Variants in CLCA2 observed in about 807,000 individuals in gnomAD.
CLCA2 encodes the protein calcium-activated chloride channel regulator 2.
A neutral mutation model predicts 82.9 loss-of-function variants in CLCA2; 85 were observed. The observed-to-expected ratio is 1.03, with a 90% CI of 0.86 to 1.23. The LOEUF (loss-of-function observed/expected upper bound fraction) is 1.23. Ranked by LOEUF, CLCA2 falls within the 50% of genes most tolerant of loss-of-function variation. CLCA2 has a pLI of 0.00. For synonymous variants in CLCA2, 421 were observed against 391.7 expected, an observed-to-expected ratio of 1.07 and a Z score of -0.88; for missense variants, 1,089 against 1,124.8, an observed-to-expected ratio of 0.97 and a Z score of 0.45.
At chr1:86,431,934 G>GT (rs1006588939) in intron 4 of CLCA2, among the ~76,000 whole-genome samples, 1 of 151,936 alleles carries the variant, frequency 6.6e-6, no homozygotes, top group Non-Finnish European at 1.5e-5. Context: ...TTGTTTGTTT[G>GT]TTTTTTTGTT....
chr1:86,452,386 T>A (rs1340970606), intron 12 of CLCA2, among the ~76,000 whole-genome samples: 1 of 152,224 alleles, frequency 6.6e-6, no homozygotes, highest in South Asian at 2.1e-4. Flanking sequence ...GCCTTGTTGC[T>A]TGCTGTGCTT....
intron 9 of CLCA2, among the ~76,000 whole-genome samples, chr1:86,443,373 T>G (rs1558113894): frequency 1.3e-5 from 2 of 152,224 alleles, no homozygotes; most frequent in Admixed American, 1.3e-4. Flanking sequence ...AACCCAAGAT[T>G]TTATTTCTTA....
chr1:86,425,564 A>C, intron 2 of CLCA2, 88 bp downstream of exon 2: 1 of 1,140,674 alleles, frequency 8.8e-7, no homozygotes, highest in Non-Finnish European at 1.2e-6. Context: ...TGAGAAGTTA[A>C]GTAAAAACAA....
At chr1:86,429,654 A>C (rs1203353956) in intron 3 of CLCA2, among the ~76,000 whole-genome samples, 1 of 152,218 alleles carries the variant, frequency 6.6e-6, no homozygotes, top group Non-Finnish European at 1.5e-5. Context: ...ACAGTTCGCC[A>C]GTCAAGGACT....
intron 2 of CLCA2, among the ~76,000 whole-genome samples, chr1:86,426,543 T>C (rs1385081614): frequency 6.6e-6 from 1 of 152,130 alleles, no homozygotes; most frequent in Non-Finnish European, 1.5e-5. Context: ...GAAGATAGGA[T>C]AGGTGGGGGA....
At chr1:86,443,663 T>TGATGAA in intron 9 of CLCA2, 124 bp from the exon 10 acceptor site, 1 of 724,694 alleles carries the variant, frequency 1.4e-6, no homozygotes, top group Non-Finnish European at 2.2e-6. Flanking sequence ...GATGTATAAC[T>TGATGAA]ACAGTACCTG....
intron 11 of CLCA2, 146 bp from the exon 12 acceptor site, chr1:86,450,417 C>A: frequency 1.8e-6 from 1 of 542,758 alleles, no homozygotes; most frequent in Non-Finnish European, 3.0e-6. Flanking sequence ...GATTTTTTAT[C>A]ACCTGAGAAT....
intron 11 of CLCA2, among the ~76,000 whole-genome samples, chr1:86,450,191 A>G (rs886164235): frequency 2.6e-5 from 4 of 152,240 alleles, no homozygotes; most frequent in Admixed American, 2.6e-4. Context: ...CCTAGGGACA[A>G]AATAGCTTTT....
At chr1:86,434,303 T>A (rs2101695778) in intron 5 of CLCA2, among the ~76,000 whole-genome samples, 1 of 152,338 alleles carries the variant, frequency 6.6e-6, no homozygotes, top group Non-Finnish European at 1.5e-5. Context: ...GAGATTGCTC[T>A]CAGAACCACA....
At chr1:86,425,151 C>A (rs190881799) in intron 1 of CLCA2, among the ~76,000 whole-genome samples, 188 bp from the exon 2 acceptor site, 94 of 152,220 alleles carry the variant, frequency 6.2e-4, no homozygotes, top group African/African-American at 2.2e-3. Context: ...TAAAATCTTC[C>A]ATATAATCAT....
chr1:86,452,173 A>G (rs1252606349), intron 12 of CLCA2, among the ~76,000 whole-genome samples: 1 of 117,984 alleles, frequency 8.5e-6, no homozygotes, highest in Non-Finnish European at 1.7e-5. Flanking sequence ...AGAAACCTGG[A>G]AGCTTTTTTT....
chr1:86,452,103 G>A (rs1662981900), intron 12 of CLCA2, among the ~76,000 whole-genome samples: 1 of 131,514 alleles, frequency 7.6e-6, no homozygotes, highest in Admixed American at 7.8e-5. Context: ...CACAAACTTT[G>A]TAATTTAATT....
intron 13 of CLCA2, 103 bp downstream of exon 13, chr1:86,453,705 A>C (rs1384565784): frequency 9.7e-7 from 1 of 1,032,430 alleles, no homozygotes; most frequent in African/African-American, 1.6e-5. Context: ...ATTGTTGTGA[A>C]AAGCTCTGAG....
At chr1:86,448,634 G>T (rs1332224743) in intron 11 of CLCA2, among the ~76,000 whole-genome samples, 1 of 152,192 alleles carries the variant, frequency 6.6e-6, no homozygotes, top group African/African-American at 2.4e-5. Flanking sequence ...TTGCCCTGTT[G>T]TTTCAAAGTT....
intron 4 of CLCA2, among the ~76,000 whole-genome samples, chr1:86,431,922 TG>T (rs1206444635): frequency 6.6e-6 from 1 of 152,174 alleles, no homozygotes; most frequent in Admixed American, 6.5e-5. Flanking sequence ...TGTTTGTTTT[TG>T]TTGTTTGTTT....
At chr1:86,430,818 C>A in intron 3 of CLCA2, 44 bp from the exon 4 acceptor site, 1 of 1,446,692 alleles carries the variant, frequency 6.9e-7, no homozygotes, top group Non-Finnish European at 9.7e-7. Flanking sequence ...AGGCACATTG[C>A]TGAGATTTTA....
intron 8 of CLCA2, 92 bp downstream of exon 8, chr1:86,440,417 T>G (rs74974085): frequency 1.8e-6 from 2 of 1,138,498 alleles, no homozygotes; most frequent in Admixed American, 5.5e-5. Context: ...ATGGCTTAAT[T>G]GAAAATACAG....
At chr1:86,439,135 C>T in intron 7 of CLCA2, 29 bp downstream of exon 7, 1 of 1,594,366 alleles carries the variant, frequency 6.3e-7, no homozygotes, top group Non-Finnish European at 8.6e-7. Flanking sequence ...AGCCTTGGAT[C>T]ACCATCATTT....
intron 5 of CLCA2, among the ~76,000 whole-genome samples, chr1:86,433,051 C>A (rs1321182070): frequency 6.6e-6 from 1 of 152,086 alleles, no homozygotes; most frequent in Admixed American, 6.6e-5. Context: ...CATATAAATC[C>A]AGAATATTAT....
Sources: allele counts gnomAD v4.1 joint callset (sites outside exome capture counted in the v4.1 genomes callset), GRCh38; gene constraint gnomAD v4.1.1; transcripts MANE v1.5; gene names NCBI Gene and HGNC (gene_info 2026-07-23, HGNC 2026-07-21).